The following FAM171A1 variants were observed in gnomAD, a reference collection of about 807,000 sequenced individuals.
FAM171A1 encodes the protein family with sequence similarity 171 member A1.
A neutral mutation model predicts 74.9 loss-of-function variants in FAM171A1; 23 were observed. The observed-to-expected ratio is 0.31, with a 90% CI of 0.22 to 0.44. The LOEUF is 0.44. Among genes scored for constraint, FAM171A1 ranks in the 20% least tolerant of loss-of-function variants. The pLI, the probability that FAM171A1 is intolerant of heterozygous loss-of-function variation, is 1.00. For missense variants in FAM171A1, 1,162 were observed against 1,159.2 expected, an observed-to-expected ratio of 1.00 and a Z score of -0.03; for synonymous variants, 527 against 505.7, an observed-to-expected ratio of 1.04 and a Z score of -0.57.
intron 1 of FAM171A1, among the ~76,000 whole-genome samples, chr10:15,349,023 C>T (rs556523218): frequency 1.2e-4 from 19 of 152,278 alleles, no homozygotes; most frequent in East Asian, 3.9e-4. Flanking sequence ...TTACATGAAT[C>T]GGGAGGGAGG....
intron 3 of FAM171A1, among the ~76,000 whole-genome samples, chr10:15,266,792 C>T (rs1320710117): frequency 6.7e-6 from 1 of 148,352 alleles, no homozygotes; most frequent in Non-Finnish European, 1.5e-5. Context: ...TTGCTTGAGT[C>T]TGGGAGGTCA....
intron 1 of FAM171A1, among the ~76,000 whole-genome samples, chr10:15,334,598 A>G (rs978885945): frequency 1.3e-5 from 2 of 152,230 alleles, no homozygotes; most frequent in Admixed American, 6.5e-5. Flanking sequence ...TAGGACATCA[A>G]TAGCTCCTAG....
intron 5 of FAM171A1, among the ~76,000 whole-genome samples, chr10:15,233,943 T>C (rs975145716): frequency 2.0e-5 from 3 of 148,770 alleles, no homozygotes; most frequent in Non-Finnish European, 3.0e-5. Flanking sequence ...ATGTGATACA[T>C]GGCTGGAGTG....
intron 1 of FAM171A1, among the ~76,000 whole-genome samples, chr10:15,328,440 C>T (rs1299685527): frequency 1.3e-5 from 2 of 152,232 alleles, no homozygotes; most frequent in Non-Finnish European, 2.9e-5. Flanking sequence ...AACCACGGCG[C>T]CTGGCCTGTT....
At chr10:15,256,313 C>T (rs1351178595) in intron 3 of FAM171A1, among the ~76,000 whole-genome samples, 1 of 152,226 alleles carries the variant, frequency 6.6e-6, no homozygotes, top group African/African-American at 2.4e-5. Context: ...GCCCAAGTCT[C>T]TCTTCTTAAA....
At chr10:15,337,023 T>C (rs994035026) in intron 1 of FAM171A1, among the ~76,000 whole-genome samples, 1 of 151,688 alleles carries the variant, frequency 6.6e-6, no homozygotes, top group Non-Finnish European at 1.5e-5. Context: ...GCCTCCCAAG[T>C]AGCTAGGACT....
chr10:15,337,615 G>T (rs1337112256), intron 1 of FAM171A1, among the ~76,000 whole-genome samples: 6 of 152,218 alleles, frequency 3.9e-5, no homozygotes, highest in Non-Finnish European at 7.4e-5. Flanking sequence ...AAGCAGTAGG[G>T]GCTGGGCGCG....
intron 5 of FAM171A1, among the ~76,000 whole-genome samples, chr10:15,240,960 C>T (rs1244376673): frequency 6.6e-6 from 1 of 152,076 alleles, no homozygotes; most frequent in Non-Finnish European, 1.5e-5. Context: ...AGGAGGATCT[C>T]CTGAGCCCAG....
intron 5 of FAM171A1, among the ~76,000 whole-genome samples, chr10:15,232,443 G>A (rs192186572): frequency 3.9e-5 from 6 of 152,172 alleles, no homozygotes; most frequent in African/African-American, 7.2e-5. Flanking sequence ...AGCTTGTTTC[G>A]CCATTGTTTT....
chr10:15,341,308 C>T (rs1262090026), intron 1 of FAM171A1, among the ~76,000 whole-genome samples: 1 of 152,198 alleles, frequency 6.6e-6, no homozygotes, highest in Admixed American at 6.5e-5. Context: ...CTGGTTTATA[C>T]TAATTTGTAC....
At chr10:15,359,384 T>G (rs1835967647) in intron 1 of FAM171A1, among the ~76,000 whole-genome samples, 1 of 152,106 alleles carries the variant, frequency 6.6e-6, no homozygotes, top group Non-Finnish European at 1.5e-5. Context: ...TTCTAAAGTC[T>G]CAGGGAGGGA....
intron 1 of FAM171A1, among the ~76,000 whole-genome samples, chr10:15,354,823 C>T (rs763301372): frequency 4.6e-5 from 7 of 152,164 alleles, no homozygotes; most frequent in Non-Finnish European, 7.3e-5. Flanking sequence ...GGAAATAATC[C>T]TATCCTGTCT....
intron 1 of FAM171A1, among the ~76,000 whole-genome samples, chr10:15,286,280 T>C (rs1219823384): frequency 6.6e-6 from 1 of 151,956 alleles, no homozygotes; most frequent in Non-Finnish European, 1.5e-5. Flanking sequence ...TATTAATACC[T>C]TTGTTTGTTT....
At chr10:15,361,494 C>T (rs931166739) in intron 1 of FAM171A1, among the ~76,000 whole-genome samples, 1 of 152,050 alleles carries the variant, frequency 6.6e-6, no homozygotes, top group Non-Finnish European at 1.5e-5. Flanking sequence ...ACCAGCCTGG[C>T]CAACATGGTA....
chr10:15,310,681 G>C (rs1198044794), intron 1 of FAM171A1, among the ~76,000 whole-genome samples: 1 of 152,126 alleles, frequency 6.6e-6, no homozygotes, highest in Non-Finnish European at 1.5e-5. Context: ...GGCCAACATG[G>C]TGAAACCCCG....
intron 1 of FAM171A1, among the ~76,000 whole-genome samples, chr10:15,364,595 AC>A (rs1302748035): frequency 6.6e-6 from 1 of 152,172 alleles, no homozygotes; most frequent in Admixed American, 6.5e-5. Flanking sequence ...AAATTATCAA[AC>A]AACTCAGTGG....
At chr10:15,226,846 G>T (rs544025145) in intron 5 of FAM171A1, among the ~76,000 whole-genome samples, 1 of 151,668 alleles carries the variant, frequency 6.6e-6, no homozygotes, top group African/African-American at 2.4e-5. Context: ...TCAGTGTTCT[G>T]TTATCAACTC....
chr10:15,298,609 G>A (rs1010880589), intron 1 of FAM171A1, among the ~76,000 whole-genome samples: 18 of 152,110 alleles, frequency 1.2e-4, no homozygotes, highest in African/African-American at 4.1e-4. Context: ...GCACCAAAAC[G>A]ATGCTACATA....
At chr10:15,251,663 C>T (rs1412263468) in intron 4 of FAM171A1, among the ~76,000 whole-genome samples, 3 of 152,000 alleles carry the variant, frequency 2.0e-5, no homozygotes, top group Admixed American at 6.6e-5. Context: ...CCACCCGCCT[C>T]GGCCTCCCAA....
Sources: allele counts gnomAD v4.1 joint callset (sites outside exome capture counted in the v4.1 genomes callset), GRCh38; gene constraint gnomAD v4.1.1; transcripts MANE v1.5; gene names NCBI Gene and HGNC (gene_info 2026-07-23, HGNC 2026-07-21).